Variants in SLC4A2 observed in about 807,000 individuals in gnomAD.
SLC4A2 encodes the protein anion exchange protein 2.
In SLC4A2, 36 loss-of-function variants were observed where a neutral mutation model predicts 115.0. That is an observed-to-expected ratio of 0.31 (90% CI 0.24 to 0.41). The LOEUF (loss-of-function observed/expected upper bound fraction) is 0.41, where lower values mean the gene tolerates loss of function less well. Ranked by LOEUF, SLC4A2 falls within the 10% of genes least tolerant of loss-of-function variation. The pLI, the probability that SLC4A2 is intolerant of heterozygous loss-of-function variation, is 1.00. For missense variants in SLC4A2, 1,252 were observed against 1,705.6 expected, an observed-to-expected ratio of 0.73 and a Z score of 4.68; for synonymous variants, 708 against 708.3, an observed-to-expected ratio of 1.00 and a Z score of 0.01.
At chr7:151,063,198 T>G (rs1797113928) in intron 2 of SLC4A2, 19 of 85,948 alleles carry the variant, frequency 2.2e-4, no homozygotes, top group East Asian at 6.1e-4. Flanking sequence ...AGGTGGGGGC[T>G]GTGGGGGTGG....
Position 151,070,285 on chromosome 7 carries a change from C to G in SLC4A2, c.1388C>G (p.Pro463Arg). ...CATGGTCAGGGGGCTGAGAGTGACC[C>G]CCACGTCACCGAGCCTCTCATGGGA... Reference protein sequence around the residue: ...HHHGQGAESDPHVTEPLMGGV... With the variant: ...HHHGQGAESDRHVTEPLMGGV... Residue 463 changes from proline to arginine, a missense_variant, in exon 10 of 23, where the codon CCC becomes CGC. Physicochemically the swap from Pro to Arg is moderately radical, Grantham distance 103. Coordinates refer to ENST00000413384, the MANE Select transcript of SLC4A2 (RefSeq NM_003040.4). 6.2e-7 allele frequency: 1 copy of G among 1,613,796 alleles called. No homozygotes were observed. The highest frequency in any genetic ancestry group is 8.5e-7 in the Non-Finnish European group (1 of 1,179,938).
At chr7:151,065,941 G>A (rs1797214010) in intron 5 of SLC4A2, among the ~76,000 whole-genome samples, 1 of 152,178 alleles carries the variant, frequency 6.6e-6, no homozygotes, top group African/African-American at 2.4e-5. Context: ...CAGAGAGAAG[G>A]GAGAGAGCAG....
intron 2 of SLC4A2, chr7:151,063,146 G>A (rs1797110729): frequency 6.6e-7 from 1 of 1,512,924 alleles, no homozygotes; most frequent in South Asian, 1.2e-5. Flanking sequence ...TTCCCTGCCG[G>A]CTGTGCCGGC....
intron 2 of SLC4A2, chr7:151,062,999 C>A (rs561413029): frequency 8.0e-5 from 114 of 1,430,408 alleles, no homozygotes; most frequent in Non-Finnish European, 1.0e-4. Flanking sequence ...GATCCCGATG[C>A]CCTTCAGGTC....
At position 151,060,803 on chromosome 7, in the gene SLC4A2, T is replaced by C. The variant is rs990360422; in HGVS notation, c.-64+1041T>C. Among the ~76,000 whole-genome samples, 5 of 152,074 alleles carry C rather than the reference T, an allele frequency of 3.3e-5. No individual in the cohort carries two copies. Among genetic ancestry groups the C allele is most frequent in the Non-Finnish European group, 7.4e-5 (5 of 67,974 alleles). ...CAAGTTGGAGTGCTTGCCAAGAATG[T>C]GTTGCCAGGCTCCCCATCCTGGGTG... On this transcript the variant is annotated intron_variant, in intron 1 of 22. Coordinates refer to ENST00000413384, the MANE Select transcript of SLC4A2 (RefSeq NM_003040.4). This position sits in a 1 kb window ranked among gnomAD's most constrained non-coding sequence, Gnocchi z 5.9.
At chr7:151,075,861 C>A in intron 21 of SLC4A2, 86 bp downstream of exon 21, 1 of 1,463,500 alleles carries the variant, frequency 6.8e-7, no homozygotes, top group Non-Finnish European at 9.3e-7. Context: ...CCCCTCCCAT[C>A]TGCCCAGTTC....
chr7:151,071,317 G>T lies in SLC4A2; in HGVS notation c.1975+20G>T. ...ATAAGGGTACGGCCAGGGCGGGCTGGGGCCAGGGCTGCCTCGAGGGGGTGA... is the reference window on the plus strand; with the variant it reads ...ATAAGGGTACGGCCAGGGCGGGCTGTGGCCAGGGCTGCCTCGAGGGGGTGA... On this transcript the variant is annotated intron_variant, in intron 13 of 22. Coordinates refer to ENST00000413384, the MANE Select transcript of SLC4A2 (RefSeq NM_003040.4). This position sits in a 1 kb window ranked among gnomAD's most constrained non-coding sequence, Gnocchi z 5.5. The T allele has an allele frequency of 6.5e-7, 1 of 1,545,024 alleles. No individual in the cohort carries two copies.
At chr7:151,069,871 T>C in intron 8 of SLC4A2, 76 bp from the exon 9 acceptor site, 1 of 1,584,934 alleles carries the variant, frequency 6.3e-7, no homozygotes, top group Non-Finnish European at 8.6e-7. Flanking sequence ...TGTCCCCAGC[T>C]CCTGCTCCCC....
chr7:151,063,153 C>G (rs767912187), intron 2 of SLC4A2: 18 of 1,343,054 alleles, frequency 1.3e-5, no homozygotes, highest in South Asian at 8.8e-5. Flanking sequence ...CCGGCTGTGC[C>G]GGCCGGCCGC....
chr7:151,063,054 C>A (rs1371595012), intron 2 of SLC4A2: 3 of 1,483,052 alleles, frequency 2.0e-6, no homozygotes, highest in Non-Finnish European at 1.8e-6. Context: ...GAGCTGAGAC[C>A]GTGGGTGGGT....
upstream of SLC4A2, chr7:151,058,273 G>A (rs1229012948): frequency 8.1e-6 from 2 of 247,112 alleles, no homozygotes; most frequent in Admixed American, 5.0e-5. Flanking sequence ...CGGAAATGGG[G>A]GCGGAGCGCT....
At chr7:151,070,664 G>A (rs902028002) in intron 11 of SLC4A2, 63 bp from the exon 12 acceptor site, 60 of 1,604,280 alleles carry the variant, frequency 3.7e-5, no homozygotes, top group Non-Finnish European at 4.8e-5. Flanking sequence ...TGCCACCCTG[G>A]GCGAGGGACT....
Position 151,066,605 on chromosome 7 carries a change from C to T in SLC4A2, c.667C>T (p.Leu223=). The T allele has an allele frequency of 1.3e-6, 2 of 1,548,862 alleles. No homozygotes were observed. Among genetic ancestry groups the T allele is most frequent in the Non-Finnish European group, 1.7e-6 (2 of 1,146,730 alleles). ...GDDGGASGRP[L]PKAQPGHRSY... Reference sequence around the variant, plus strand: ...CGACGGGGGTGCCTCGGGGCGCCCCCTGCCCAAAGCCCAGCCTGGGCACCG... The same window carrying T: ...CGACGGGGGTGCCTCGGGGCGCCCCTTGCCCAAAGCCCAGCCTGGGCACCG... Residue 223 remains leucine (L), a synonymous_variant, in exon 6 of 23, where the codon CTG becomes TTG. Coordinates refer to ENST00000413384, the MANE Select transcript of SLC4A2 (RefSeq NM_003040.4).
chr7:151,069,002 G>A (rs1209401782), intron 8 of SLC4A2, among the ~76,000 whole-genome samples: 6 of 151,662 alleles, frequency 4.0e-5, no homozygotes, highest in Non-Finnish European at 5.9e-5. Flanking sequence ...AGCGGGGCAC[G>A]GTGGCAGGTG....
intron 2 of SLC4A2, 128 bp from the exon 3 acceptor site, chr7:151,064,074 A>C (rs1797143830): frequency 1.1e-6 from 1 of 885,578 alleles, no homozygotes; most frequent in Non-Finnish European, 1.7e-6. Context: ...ATATAGAGCC[A>C]CCAGCATTAG....
rs1309713580 is a variant in SLC4A2 at position 151,071,755 on chromosome 7, T to C, written c.2258T>C (p.Val753Ala). ...LIMSTALQGV[V>A]FCLLGAQPLL... Reference sequence around the variant, plus strand: ...ATGTCCACAGCGCTCCAGGGCGTGGTCTTCTGCCTGCTGGGTGCCCAGCCC... The same window carrying C: ...ATGTCCACAGCGCTCCAGGGCGTGGCCTTCTGCCTGCTGGGTGCCCAGCCC... Residue 753 changes from valine (V) to alanine (A), a missense_variant, in exon 15 of 23, where the codon GTC becomes GCC. Transcript: ENST00000413384. The surrounding 1 kb of genome is among the most constrained non-coding windows in gnomAD (Gnocchi z 5.5). 3.1e-6 allele frequency: 5 copies of C among 1,612,650 alleles called. No individual in the cohort carries two copies. Among genetic ancestry groups the C allele is most frequent in the Non-Finnish European group, 4.2e-6 (5 of 1,179,628 alleles).
At chr7:151,068,091 C>T (rs1413605492) in intron 8 of SLC4A2, 37 bp downstream of exon 8, 1 of 1,400,372 alleles carries the variant, frequency 7.1e-7, no homozygotes, top group Non-Finnish European at 9.3e-7. Context: ...CCTGGCCAGT[C>T]CCCAGGAAAT....
chr7:151,061,824 G>C (rs1797056478), intron 1 of SLC4A2, 101 bp from the exon 2 acceptor site: 1 of 625,082 alleles, frequency 1.6e-6, no homozygotes, highest in African/African-American at 1.8e-5. Context: ...CCACTCTGAG[G>C]CCCTTCATAC....
rs752899457 is a variant in SLC4A2, at chr7:151,064,984, AAC to A, written c.578+20_578+21del. ...CAGGCTGGGTAAGTACACCCCAATC[AAC>A]AGTGTCCCCAACAGACACTTCCCCT... On this transcript the variant is annotated intron_variant, in intron 5 of 22. Transcript: ENST00000413384. 2 of 1,489,896 alleles carry A rather than the reference AAC, an allele frequency of 1.3e-6. No individual in the cohort carries two copies. The highest frequency in any genetic ancestry group is 1.9e-6 in the Non-Finnish European group (2 of 1,067,360). 92.3% of individuals were successfully genotyped at this position (1,489,896 alleles called of 1,614,324 possible).
Sources: allele counts gnomAD v4.1 joint callset (sites outside exome capture counted in the v4.1 genomes callset), GRCh38; gene constraint gnomAD v4.1.1; non-coding constraint Gnocchi (gnomAD v3.1); transcripts MANE v1.5; gene names NCBI Gene and HGNC (gene_info 2026-07-23, HGNC 2026-07-21).